The following LRP1 variants were observed in gnomAD, a reference collection of about 807,000 sequenced individuals.
The protein encoded by LRP1 is prolow-density lipoprotein receptor-related protein 1.
LRP1 carries 51 observed loss-of-function variants against 541.5 expected under a neutral mutation model. The ratio of observed to expected loss-of-function variants is 0.09; its 90% CI spans 0.08 to 0.12. The LOEUF (loss-of-function observed/expected upper bound fraction) is 0.12. Ranked by LOEUF, LRP1 falls within the 10% of genes least tolerant of loss-of-function variation. The pLI, the probability that LRP1 is intolerant of heterozygous loss-of-function variation, is 1.00. For missense variants in LRP1, 3,878 were observed against 6,376.2 expected, an observed-to-expected ratio of 0.61 and a Z score of 13.34; for synonymous variants, 2,219 against 2,470.8, an observed-to-expected ratio of 0.90 and a Z score of 3.02.
chr12:57,178,434 G>A lies in LRP1; in HGVS notation c.4437G>A (p.Ser1479=), dbSNP rs143570738. The A allele has an allele frequency of 4.2e-4, 676 of 1,614,082 alleles. No individual in the cohort carries two copies. The highest frequency in any genetic ancestry group is 5.5e-4 in the Non-Finnish European group (644 of 1,180,032). ...TGCTTCGGGGACACGAGTTCCTGTC[G>A]CACCCGTTTGCAGTGACGCTGTACG... ...MEVLRGHEFL[S]HPFAVTLYGG... The change falls in exon 27 of 89, where the codon TCG becomes TCA. Residue 1479 remains serine, a synonymous_variant. Coordinates refer to ENST00000243077, the MANE Select transcript of LRP1 (RefSeq NM_002332.3). The surrounding 1 kb of genome is among the most constrained non-coding windows in gnomAD (Gnocchi z 5.8).
At chr12:57,150,227 T>A (rs2035501512) in intron 6 of LRP1, among the ~76,000 whole-genome samples, 1 of 135,886 alleles carries the variant, frequency 7.4e-6, no homozygotes, top group Admixed American at 8.0e-5. Flanking sequence ...AGTCTCACTC[T>A]GTCGCCCAGG....
Position 57,204,543 on chromosome 12 carries a change from C to G in LRP1, c.11071+14C>G. On this transcript the variant is annotated intron_variant, in intron 71 of 88. Coordinates refer to ENST00000243077, the MANE Select transcript of LRP1 (RefSeq NM_002332.3). This position sits in a 1 kb window ranked among gnomAD's most constrained non-coding sequence, Gnocchi z 5.3. ...CCGAGGAGTGTGGTGAGATTTGGGG[C>G]GGGGCTCCCAGGCTTCCCAGTGGCC... The G allele has an allele frequency of 6.2e-7, 1 of 1,605,614 alleles. No individual in the cohort carries two copies. The highest frequency in any genetic ancestry group is 8.5e-7 in the Non-Finnish European group (1 of 1,174,156).
At position 57,154,312 on chromosome 12, in the gene LRP1, A is replaced by T. The variant is rs759992888; in HGVS notation, c.946A>T (p.Thr316Ser). ...VCNRNGDTCVTLLDLELYNPK... is the reference protein window; with the variant it reads ...VCNRNGDTCVSLLDLELYNPK... ...CAACAGAAATGGGGACACATGTGTC[A>T]CATTGCTAGACCTGGAACTCTACAA... The change falls in exon 7 of 89, where the codon ACA (threonine) becomes TCA (serine). Residue 316 changes from threonine (T) to serine (S), a missense_variant. Coordinates refer to ENST00000243077, the MANE Select transcript of LRP1 (RefSeq NM_002332.3). This position sits in a 1 kb window ranked among gnomAD's most constrained non-coding sequence, Gnocchi z 4.6. 1.9e-5 allele frequency: 30 copies of T among 1,614,090 alleles called. No homozygotes were observed. The South Asian group carries it at 3.3e-4, about 18-fold the overall frequency.
chr12:57,179,608 C>T lies in LRP1; in HGVS notation c.4966+52C>T, dbSNP rs1292431324. On this transcript the variant is annotated intron_variant, in intron 29 of 88. Transcript: ENST00000243077. The surrounding 1 kb of genome is among the most constrained non-coding windows in gnomAD (Gnocchi z 6.8). Reference sequence around the variant, plus strand: ...AGTGGACATGGGCACCTCCACCCGCCCCTTGCTCCCAACCCTGGTCTACTT... The same window carrying T: ...AGTGGACATGGGCACCTCCACCCGCTCCTTGCTCCCAACCCTGGTCTACTT... 6.5e-7 allele frequency: 1 copy of T among 1,533,188 alleles called. No individual in the cohort carries two copies. Among genetic ancestry groups the T allele is most frequent in the East Asian group, 2.3e-5 (1 of 44,328 alleles). The allele number at this position is 1,533,188 out of a possible 1,614,324, so 95.0% of individuals were successfully genotyped here. A position where few individuals can be genotyped will look rare whatever the true frequency, so the allele number is the denominator to read the frequency against.
intron 2 of LRP1, among the ~76,000 whole-genome samples, chr12:57,139,598 G>A (rs929930080): frequency 3.3e-5 from 5 of 152,092 alleles, no homozygotes; most frequent in Non-Finnish European, 7.4e-5. Context: ...TCAATTTGCT[G>A]TAAACCTCAC....
Position 57,206,787 on chromosome 12 carries a change from G to A in LRP1, c.11859+46G>A, listed in dbSNP as rs1454059697. On this transcript the variant is annotated intron_variant, in intron 76 of 88. Coordinates refer to ENST00000243077, the MANE Select transcript of LRP1 (RefSeq NM_002332.3). The surrounding 1 kb of genome is among the most constrained non-coding windows in gnomAD (Gnocchi z 4.7). Reference sequence around the variant, plus strand: ...GGATGGAGTGGAAGAGCTCCATAGAGCAGGCGGTTCAGAGCAGGATTTGAA... The same window carrying A: ...GGATGGAGTGGAAGAGCTCCATAGAACAGGCGGTTCAGAGCAGGATTTGAA... 1.3e-6 allele frequency: 2 copies of A among 1,593,618 alleles called. No homozygotes were observed. The highest frequency in any genetic ancestry group is 2.7e-5 in the African/African-American group (2 of 74,778).
intron 1 of LRP1, among the ~76,000 whole-genome samples, chr12:57,130,450 G>T (rs1332268979): frequency 9.6e-6 from 1 of 104,254 alleles, no homozygotes; most frequent in South Asian, 3.6e-4. Flanking sequence ...TAGCTGCCCC[G>T]GAGGAGGAGA....
At chr12:57,200,325 C>A in intron 62 of LRP1, 117 bp from the exon 63 acceptor site, 1 of 720,632 alleles carries the variant, frequency 1.4e-6, no homozygotes, top group Non-Finnish European at 2.5e-6. Flanking sequence ...GCCCAACCTG[C>A]CCCATAACAC....
chr12:57,175,726 G>T (rs749475802), intron 23 of LRP1, 21 bp downstream of exon 23: 16 of 1,556,364 alleles, frequency 1.0e-5, no homozygotes, highest in Middle Eastern at 3.5e-4. Context: ...AGTGAGGTGT[G>T]GTGGGGCAGG....
rs961903803 is a variant in LRP1 at position 57,206,726 on chromosome 12, T to C, written c.11844T>C (p.Gly3948=). The C allele has an allele frequency of 6.2e-7, 1 of 1,612,398 alleles. No homozygotes were observed. Among genetic ancestry groups the C allele is most frequent in the Admixed American group, 1.7e-5 (1 of 60,018 alleles). The stretch of plus-strand genomic sequence containing the variant: ...GCCACCGGCGACAGATTGACCGGGG[T>C]GTCACCCACCTCAACGTGAGTGCCC... ...SNRHRRQIDR[G]VTHLNISGLK... Residue 3948 remains glycine, a synonymous_variant, in exon 76 of 89, where the codon GGT becomes GGC. Coordinates refer to ENST00000243077, the MANE Select transcript of LRP1 (RefSeq NM_002332.3). This position sits in a 1 kb window ranked among gnomAD's most constrained non-coding sequence, Gnocchi z 4.7.
Position 57,204,629 on chromosome 12 carries a change from C to G in LRP1, c.11074C>G (p.Arg3692Gly). The G allele has an allele frequency of 3.1e-6, 5 of 1,613,818 alleles. No homozygotes were observed. Among genetic ancestry groups the G allele is most frequent in the Non-Finnish European group, 4.2e-6 (5 of 1,179,968 alleles). Residue 3692 changes from arginine to glycine, a missense_variant and splice_region_variant, in exon 72 of 89, where the codon CGG becomes GGG. Transcript: ENST00000243077. The surrounding 1 kb of genome is among the most constrained non-coding windows in gnomAD (Gnocchi z 5.3). Reference protein sequence around the residue: ...NSDENPEECARFVCPPNRPFR... With the variant: ...NSDENPEECAGFVCPPNRPFR... The stretch of plus-strand genomic sequence containing the variant: ...CTGTGTCCCCCTGGCTGCTGCAGCC[C>G]GGTTCGTGTGCCCTCCCAACCGGCC...
rs1459916148 is a variant in LRP1, at chr12:57,210,411, G to T, written c.12685G>T (p.Asp4229Tyr). The T allele has an allele frequency of 1.2e-6, 2 of 1,605,028 alleles. No individual in the cohort carries two copies. Among genetic ancestry groups the T allele is most frequent in the Non-Finnish European group, 1.7e-6 (2 of 1,174,802 alleles). The change falls in exon 82 of 89, where the codon GAC becomes TAC. Residue 4229 changes from aspartate (D) to tyrosine (Y), a missense_variant. This residue lies in a region of LRP1 where 871 missense variants were observed against 1,212.4 expected (regional missense o/e 0.72). Coordinates refer to ENST00000243077, the MANE Select transcript of LRP1 (RefSeq NM_002332.3). Reference sequence around the variant, plus strand: ...CCGCTGCCAACCCCGCTACACGGGTGACAAGTGTGAACTGGACCAGTGCTG... The same window carrying T: ...CCGCTGCCAACCCCGCTACACGGGTTACAAGTGTGAACTGGACCAGTGCTG... ...KCRCQPRYTG[D>Y]KCELDQCWEH...
At position 57,199,403 on chromosome 12, in the gene LRP1, G is replaced by A. The variant is rs1382148127; in HGVS notation, c.9865+3G>A. Reference sequence around the variant, plus strand: ...CCATGCCCTGCGCCAGCCAGACGGTGAGCAGGCAAGGGGTGGGAGCAGGCG... The same window carrying A: ...CCATGCCCTGCGCCAGCCAGACGGTAAGCAGGCAAGGGGTGGGAGCAGGCG... On this transcript the variant is annotated splice_donor_region_variant and intron_variant, in intron 61 of 88. Coordinates refer to ENST00000243077, the MANE Select transcript of LRP1 (RefSeq NM_002332.3). The A allele has an allele frequency of 6.2e-7, 1 of 1,606,766 alleles. No homozygotes were observed. Among genetic ancestry groups the A allele is most frequent in the Non-Finnish European group, 8.5e-7 (1 of 1,177,384 alleles).
chr12:57,143,762 A>G lies in LRP1; in HGVS notation c.412A>G (p.Ser138Gly). The change falls in exon 4 of 89, where the codon AGC becomes GGC. Residue 138 changes from serine to glycine, a missense_variant. Ser to Gly is a moderately conservative substitution (Grantham distance 56, BLOSUM62 0). Around this residue, in one of 13 missense-constraint regions of LRP1, gnomAD observed 293 missense variants for 403.7 expected, o/e 0.73. Transcript: ENST00000243077. ...LDGPTCYCNS[S>G]FQLQADGKTC... ...TGGGCCCACCTGCTACTGCAACAGC[A>G]GCTTTCAGCTTCAGGCAGATGGCAA... 1 of 1,614,152 alleles carries G rather than the reference A, an allele frequency of 6.2e-7. No homozygotes were observed. Among genetic ancestry groups the G allele is most frequent in the Non-Finnish European group, 8.5e-7 (1 of 1,179,988 alleles).
intron 15 of LRP1, 34 bp downstream of exon 15, chr12:57,163,017 C>T (rs374219004): frequency 2.2e-4 from 340 of 1,578,018 alleles, no homozygotes; most frequent in Non-Finnish European, 2.8e-4. Flanking sequence ...GAGTGGGAAG[C>T]AGACCCCATC....
At chr12:57,147,065 C>G (rs7398375) in intron 6 of LRP1, among the ~76,000 whole-genome samples, 39,660 of 151,694 alleles carry the variant, frequency 0.26, 5,542 homozygotes, top group East Asian at 0.53. Flanking sequence ...GAAGCTGGTA[C>G]CCCTCCCTTG....
chr12:57,156,847 C>T lies in LRP1; in HGVS notation c.1488C>T (p.Ala496=). Residue 496 remains alanine (A), a synonymous_variant, in exon 10 of 89, where the codon GCC becomes GCT. Coordinates refer to ENST00000243077, the MANE Select transcript of LRP1 (RefSeq NM_002332.3). This position sits in a 1 kb window ranked among gnomAD's most constrained non-coding sequence, Gnocchi z 5.2. The part of the protein sequence containing the change: ...PGGCSDICLL[A]NSHKARTCRC... ...GCTGCTCTGACATCTGCCTGCTGGCCAACAGCCACAAGGCGCGGACCTGCC... is the reference window on the plus strand; with the variant it reads ...GCTGCTCTGACATCTGCCTGCTGGCTAACAGCCACAAGGCGCGGACCTGCC... 1 of 1,603,838 alleles carries T rather than the reference C, an allele frequency of 6.2e-7. No homozygotes were observed.
rs762388471 is a variant in LRP1 at position 57,187,257 on chromosome 12, C to G, written c.6842-10C>G. 6 of 1,607,742 alleles carry G rather than the reference C, an allele frequency of 3.7e-6. No homozygotes were observed. Among genetic ancestry groups the G allele is most frequent in the Non-Finnish European group, 5.1e-6 (6 of 1,176,264 alleles). On this transcript the variant is annotated splice_polypyrimidine_tract_variant and intron_variant, in intron 41 of 88. Coordinates refer to ENST00000243077, the MANE Select transcript of LRP1 (RefSeq NM_002332.3). ...CCTCCTGACAAATCGCTGCTCCTGT[C>G]TCTTCACAGACGTGGGCTCCGTGGA... is the stretch of plus-strand genomic sequence containing the variant.
In LRP1 at chr12:57,128,613, C is replaced by G; in HGVS notation, c.-352C>G. On this transcript the variant is annotated 5_prime_UTR_variant, in exon 1 of 89. Transcript: ENST00000243077. ...TACCCGGTCCACGCCCCCCACCCCC[C>G]CTCCCCGCCTCCTCCCAATTGTGCA... 1 of 415,270 alleles carries G rather than the reference C, an allele frequency of 2.4e-6. No homozygotes were observed. The highest frequency in any genetic ancestry group is 4.3e-6 in the Non-Finnish European group (1 of 234,312). The allele number at this position is 415,270 out of a possible 1,614,324, so 25.7% of individuals were successfully genotyped here.
Sources: allele counts gnomAD v4.1 joint callset (sites outside exome capture counted in the v4.1 genomes callset), GRCh38; gene constraint gnomAD v4.1.1; regional missense constraint gnomAD v4.1.1; non-coding constraint Gnocchi (gnomAD v3.1); transcripts MANE v1.5; gene names NCBI Gene and HGNC (gene_info 2026-07-23, HGNC 2026-07-21).